PTPRK: variants seen among roughly 807,000 people sequenced by gnomAD.
PTPRK encodes protein tyrosine phosphatase receptor type K.
PTPRK carries 75 observed loss-of-function variants against 178.0 expected under a neutral mutation model. The ratio of observed to expected loss-of-function variants is 0.42; its 90% CI spans 0.35 to 0.51. The LOEUF (loss-of-function observed/expected upper bound fraction) is 0.51, where lower values mean the gene tolerates loss of function less well. PTPRK is among the 20% of genes least tolerant of loss of function. PTPRK has a pLI of 0.02. For synonymous variants in PTPRK, 637 were observed against 620.6 expected (o/e 1.03, Z -0.39); for missense variants, 1,441 against 1,797.8 (o/e 0.80, Z 3.59).
chr6:128,106,593 C>T (rs1172062868), intron 7 of PTPRK, among the ~76,000 whole-genome samples: 8 of 152,018 alleles, frequency 5.3e-5, no homozygotes. Context: ...ATAGACAATG[C>T]TGCTAAACAC....
chr6:128,461,496 T>C (rs1849050266), intron 1 of PTPRK, among the ~76,000 whole-genome samples: 1 of 152,206 alleles, frequency 6.6e-6, no homozygotes, highest in Admixed American at 6.5e-5. Flanking sequence ...TTTTTCATTT[T>C]TTAAGATGAA....
intron 7 of PTPRK, among the ~76,000 whole-genome samples, chr6:128,118,398 G>A (rs777969622): frequency 1.1e-4 from 17 of 152,074 alleles, no homozygotes; most frequent in Non-Finnish European, 1.9e-4. Flanking sequence ...AATACAGGAC[G>A]TAGAATTCAG....
chr6:128,421,204 A>C (rs563276958), intron 1 of PTPRK, among the ~76,000 whole-genome samples: 1 of 152,346 alleles, frequency 6.6e-6, no homozygotes, highest in East Asian at 1.9e-4. Context: ...AGAATATTTT[A>C]TCTTAAAATT....
chr6:128,159,523 CATTTTAT>C (rs1798387172), intron 7 of PTPRK, among the ~76,000 whole-genome samples: 1 of 151,720 alleles, frequency 6.6e-6, no homozygotes, highest in Non-Finnish European at 1.5e-5. Flanking sequence ...GTTGTAAGCT[CATTTTAT>C]ATTTAAAGTA....
chr6:128,001,317 T>G (rs1777803067), intron 15 of PTPRK: 1 of 747,960 alleles, frequency 1.3e-6, no homozygotes, highest in Non-Finnish European at 2.1e-6. Flanking sequence ...ATATTTGAAG[T>G]GATTTCAGAA....
intron 1 of PTPRK, among the ~76,000 whole-genome samples, chr6:128,505,509 A>G (rs1374515939): frequency 2.6e-5 from 4 of 152,082 alleles, no homozygotes; most frequent in African/African-American, 4.8e-5. Context: ...AGCTGCTGCC[A>G]CCGCAATCAC....
intron 8 of PTPRK, among the ~76,000 whole-genome samples, chr6:128,085,442 C>T (rs1163334059): frequency 6.6e-6 from 1 of 152,128 alleles, no homozygotes; most frequent in Non-Finnish European, 1.5e-5. Context: ...ATTTCTTCAT[C>T]CTTACGTATC....
At chr6:128,374,832 C>A (rs1476436446) in intron 2 of PTPRK, among the ~76,000 whole-genome samples, 2 of 151,962 alleles carry the variant, frequency 1.3e-5, no homozygotes. Context: ...TACAATCAGT[C>A]CCCTATTACT....
chr6:128,156,287 T>A (rs1797936105), intron 7 of PTPRK, among the ~76,000 whole-genome samples: 1 of 151,920 alleles, frequency 6.6e-6, no homozygotes, highest in Non-Finnish European at 1.5e-5. Flanking sequence ...AAAAGCATAA[T>A]ACATACTAGG....
At chr6:128,146,828 T>C (rs1043804117) in intron 7 of PTPRK, among the ~76,000 whole-genome samples, 2 of 152,174 alleles carry the variant, frequency 1.3e-5, no homozygotes, top group African/African-American at 4.8e-5. Flanking sequence ...AGACACCATG[T>C]CAAGGTACAA....
At chr6:127,982,760 C>G (rs1431634541) in intron 24 of PTPRK, 71 bp downstream of exon 24, 2 of 1,408,032 alleles carry the variant, frequency 1.4e-6, no homozygotes, top group Non-Finnish European at 1.9e-6. Context: ...AAAGACCTTC[C>G]TTGAAAGGAT....
At position 128,083,787 on chromosome 6, in the gene PTPRK, T is replaced by C. The variant is rs372566716; in HGVS notation, c.1503A>G (p.Thr501=). 6.8e-6 allele frequency: 11 copies of C among 1,606,538 alleles called. No homozygotes were observed. The highest frequency in any genetic ancestry group is 5.4e-5 in the African/African-American group (4 of 74,482). The change falls in exon 9 of 30, where the codon ACA becomes ACG. Residue 501 remains threonine (T), a synonymous_variant. Transcript: ENST00000368226. ...TCAAGAAGATCTTATTTTCAAAGGA[T>C]GTTCCTTGAAGAGATTTTACTGGTA... ...GPVPVKSLQG[T]SFENKIFLNW...
chr6:128,300,973 T>C (rs1308583236), intron 3 of PTPRK, among the ~76,000 whole-genome samples: 3 of 150,056 alleles, frequency 2.0e-5, no homozygotes, highest in Non-Finnish European at 4.4e-5. Flanking sequence ...TGTACTACCA[T>C]CTAGTCTTAC....
chr6:128,492,990 T>C (rs1584955641), intron 1 of PTPRK, among the ~76,000 whole-genome samples: 1 of 152,160 alleles, frequency 6.6e-6, no homozygotes, highest in Admixed American at 6.5e-5. Context: ...ATCCAGAGTG[T>C]GGTGTCCCAT....
At position 128,359,567 on chromosome 6, in the gene PTPRK, T is replaced by C. The variant is rs375727626; in HGVS notation, c.224-37257A>G. Among the ~76,000 whole-genome samples the C allele has an allele frequency of 1.1e-4, 16 of 151,620 alleles. No homozygotes were observed. The South Asian group carries it at 3.3e-3, about 32-fold the overall frequency. ...AGGAGCCCGGGGCCAGCCTAACCTA[T>C]ATGATGAAACCCCACCTCTACTAAA... On this transcript the variant is annotated intron_variant, in intron 2 of 29. Coordinates refer to ENST00000368226, the MANE Select transcript of PTPRK (RefSeq NM_002844.4).
At chr6:128,002,761 T>C (rs778934640) in intron 15 of PTPRK, among the ~76,000 whole-genome samples, 4 of 151,932 alleles carry the variant, frequency 2.6e-5, no homozygotes, top group African/African-American at 7.2e-5. Flanking sequence ...CAAATGCACA[T>C]AATCCTAATA....
intron 1 of PTPRK, among the ~76,000 whole-genome samples, chr6:128,457,428 T>G (rs1238345502): frequency 6.6e-6 from 1 of 152,156 alleles, no homozygotes; most frequent in Non-Finnish European, 1.5e-5. Flanking sequence ...CAATATTGAG[T>G]AAGTTGAAGA....
At chr6:128,022,828 A>G (rs1411342545) in intron 13 of PTPRK, among the ~76,000 whole-genome samples, 1 of 152,138 alleles carries the variant, frequency 6.6e-6, no homozygotes, top group Non-Finnish European at 1.5e-5. Flanking sequence ...TGCCCCCAAT[A>G]TGTTTTCACA....
At position 128,140,551 on chromosome 6, in the gene PTPRK, C is replaced by T. The variant is rs528662362; in HGVS notation, c.1162+43881G>A. Among the ~76,000 whole-genome samples, 6 of 151,858 alleles carry T rather than the reference C, an allele frequency of 4.0e-5. No individual in the cohort carries two copies. The East Asian group carries it at 5.8e-4, about 15-fold the overall frequency. On this transcript the variant is annotated intron_variant, in intron 7 of 29. Coordinates refer to ENST00000368226, the MANE Select transcript of PTPRK (RefSeq NM_002844.4). Reference sequence around the variant, plus strand: ...TGAATACATTGACTACTGATCTGTACGTAGGTAATTTCCCAAAAATTTATA... The same window carrying T: ...TGAATACATTGACTACTGATCTGTATGTAGGTAATTTCCCAAAAATTTATA...
Sources: gnomAD v4.1 joint callset for allele counts (sites outside exome capture counted in the v4.1 genomes callset) on GRCh38, gnomAD v4.1.1 for gene constraint, MANE v1.5 for transcripts, NCBI Gene and HGNC (gene_info 2026-07-23, HGNC 2026-07-21) for gene names.